Variants in GDA observed in about 807,000 individuals in gnomAD.
The protein encoded by GDA is cytoplasmic PSD-95 interactor.
Under a neutral mutation model 59.6 loss-of-function variants are expected in GDA, and 18 were observed. The ratio of observed to expected loss-of-function variants is 0.30; its 90% CI spans 0.21 to 0.45. GDA has a LOEUF of 0.45. Ranked by LOEUF, GDA falls within the 20% of genes least tolerant of loss-of-function variation. The pLI is 1.00. For missense variants in GDA, 427 were observed against 552.3 expected (o/e 0.77, Z 2.27); for synonymous variants, 201 against 201.1 (o/e 1.00, Z 0.00).
downstream of GDA, among the ~76,000 whole-genome samples, chr9:72,252,612 G>A (rs1432796733): frequency 6.6e-6 from 1 of 152,062 alleles, no homozygotes; most frequent in African/African-American, 2.4e-5. Context: ...GATGCCCTGG[G>A]CTATTTTCTA....
intron 5 of GDA, among the ~76,000 whole-genome samples, chr9:72,217,250 ATTTTT>A (rs927398603): frequency 6.6e-6 from 1 of 152,170 alleles, no homozygotes; most frequent in Non-Finnish European, 1.5e-5. Flanking sequence ...AAGTGATTAG[ATTTTT>A]TTAAAAGGAA....
chr9:72,171,769 G>T (rs10781077), intron 1 of GDA, among the ~76,000 whole-genome samples: 52,573 of 151,748 alleles, frequency 0.35, 10,258 homozygotes, highest in Non-Finnish European at 0.44. Flanking sequence ...TAACTTAAAG[G>T]CCCCTCAGGG....
At chr9:72,230,914 G>A (rs1838261827) in intron 9 of GDA, among the ~76,000 whole-genome samples, 200 bp from the exon 10 acceptor site, 1 of 151,850 alleles carries the variant, frequency 6.6e-6, no homozygotes, top group African/African-American at 2.4e-5. Context: ...GATTAACCTT[G>A]GCCCAAGGAT....
At chr9:72,145,468 G>A (rs1249483219), upstream of GDA, among the ~76,000 whole-genome samples, 1 of 152,104 alleles carries the variant, frequency 6.6e-6, no homozygotes, top group Non-Finnish European at 1.5e-5. Flanking sequence ...TATTTTATAG[G>A]GTTGTTGAGA....
Position 72,219,522 on chromosome 9 carries a change from C to A in GDA, c.606+16C>A. 6.3e-7 allele frequency: 1 copy of A among 1,589,082 alleles called. No homozygotes were observed. Among genetic ancestry groups the A allele is most frequent in the South Asian group, 1.1e-5 (1 of 88,232 alleles). ...CCAAAAGAACGTGAGTAACTTTGTT[C>A]AGAGCTCGCTTTTAGATTGCCTTTG... On this transcript the variant is annotated intron_variant, in intron 6 of 13. Transcript: ENST00000358399.
At chr9:72,133,431 G>A (rs949054117) in intron 1 of GDA, among the ~76,000 whole-genome samples, 3 of 151,392 alleles carry the variant, frequency 2.0e-5, no homozygotes, top group African/African-American at 7.3e-5. Context: ...TTTATTACAT[G>A]AATTCTTTTC....
chr9:72,241,126 T>A, intron 10 of GDA, 26 bp from the exon 11 acceptor site: 1 of 1,553,322 alleles, frequency 6.4e-7, no homozygotes, highest in Non-Finnish European at 8.8e-7. Flanking sequence ...AAGGTTACTG[T>A]TTTGGTTTTA....
chr9:72,244,508 G>A (rs192878810), intron 11 of GDA, among the ~76,000 whole-genome samples: 2 of 152,294 alleles, frequency 1.3e-5, no homozygotes, highest in Non-Finnish European at 2.9e-5. Flanking sequence ...CTTTGAGGTT[G>A]CAAAGAGATT....
chr9:72,193,019 G>T (rs954514652), intron 1 of GDA, among the ~76,000 whole-genome samples: 1 of 152,094 alleles, frequency 6.6e-6, no homozygotes, highest in African/African-American at 2.4e-5. Context: ...ATAGAATTCT[G>T]AATTATTTCT....
chr9:72,161,063 A>AT (rs35376951), intron 1 of GDA, among the ~76,000 whole-genome samples: 5,045 of 141,564 alleles, frequency 0.036, 216 homozygotes, highest in African/African-American at 0.11. Context: ...TTTGCCACTA[A>AT]TTTTTTTTTT....
At chr9:72,185,573 G>T (rs1162916070) in intron 1 of GDA, among the ~76,000 whole-genome samples, 2 of 152,116 alleles carry the variant, frequency 1.3e-5, no homozygotes, top group Non-Finnish European at 2.9e-5. Flanking sequence ...AAAACTTCAA[G>T]AAATTTTGAG....
In GDA at chr9:72,224,752, T is replaced by C. The variant is rs77844452; in HGVS notation, c.715-925T>C. Reference sequence around the variant, plus strand: ...TATATTGGGTTTCTGTGAATTTTTATATGAATAATATATTCAGTGCCGAGA... The same window carrying C: ...TATATTGGGTTTCTGTGAATTTTTACATGAATAATATATTCAGTGCCGAGA... On this transcript the variant is annotated intron_variant, in intron 7 of 13. Transcript: ENST00000358399. Among the ~76,000 whole-genome samples, 99 of 152,140 alleles carry C rather than the reference T, an allele frequency of 6.5e-4. 2 individuals carry two copies. The highest frequency in any genetic ancestry group is 2.2e-3 in the African/African-American group (93 of 41,504).
At chr9:72,196,824 C>T (rs778745399) in intron 2 of GDA, among the ~76,000 whole-genome samples, 11 of 146,204 alleles carry the variant, frequency 7.5e-5, no homozygotes, top group Non-Finnish European at 1.1e-4. Context: ...CTCCCACTTA[C>T]GAATGAGAAC....
chr9:72,243,542 C>T (rs181534046), intron 11 of GDA, among the ~76,000 whole-genome samples: 244 of 152,262 alleles, frequency 1.6e-3, no homozygotes, highest in African/African-American at 5.5e-3. Context: ...GAGAGAATTT[C>T]CAGTGATTTT....
intron 1 of GDA, among the ~76,000 whole-genome samples, chr9:72,117,762 G>A (rs745308392): frequency 3.3e-5 from 5 of 152,140 alleles, no homozygotes; most frequent in African/African-American, 1.2e-4. Context: ...CCCAATTGGC[G>A]AGGAGGTACC....
At chr9:72,168,985 A>G (rs1320843013) in intron 1 of GDA, among the ~76,000 whole-genome samples, 1 of 152,244 alleles carries the variant, frequency 6.6e-6, no homozygotes, top group African/African-American at 2.4e-5. Flanking sequence ...GCCTCAAGAT[A>G]TAGTCACCAG....
At position 72,149,667 on chromosome 9, in the gene GDA, G is replaced by A; in HGVS notation, c.108G>A (p.Val36=). The change falls in exon 1 of 14, where the codon GTG becomes GTA. Residue 36 remains valine (V), a synonymous_variant. Coordinates refer to ENST00000358399, the MANE Select transcript of GDA (RefSeq NM_004293.5). ...TGCTGCGGGATCACCTCCTCGGCGT[G>A]AGCGACAGCGGCAAAGTAAGCAGGC... is the stretch of plus-strand genomic sequence containing the variant. ...MEVLRDHLLG[V]SDSGKIVFLE... The A allele has an allele frequency of 6.2e-7, 1 of 1,601,432 alleles. No individual in the cohort carries two copies. Among genetic ancestry groups the A allele is most frequent in the South Asian group, 1.1e-5 (1 of 90,186 alleles).
chr9:72,146,598 C>T (rs1454902110), upstream of GDA, among the ~76,000 whole-genome samples: 1 of 152,116 alleles, frequency 6.6e-6, no homozygotes, highest in African/African-American at 2.4e-5. Context: ...TCAAGCGATT[C>T]TCCTGCTTCA....
intron 11 of GDA, among the ~76,000 whole-genome samples, chr9:72,241,801 G>A (rs1367721665): frequency 1.3e-5 from 2 of 152,302 alleles, no homozygotes; most frequent in East Asian, 3.9e-4. Context: ...GCTGAGGTGG[G>A]AGGATCATCT....
Sources: allele counts gnomAD v4.1 joint callset (sites outside exome capture counted in the v4.1 genomes callset), GRCh38; gene constraint gnomAD v4.1.1; transcripts MANE v1.5; gene names NCBI Gene and HGNC (gene_info 2026-07-23, HGNC 2026-07-21).